PRC1: variants seen among roughly 807,000 people sequenced by gnomAD.
PRC1 encodes the protein protein regulator of cytokinesis 1.
In PRC1, 54 loss-of-function variants were observed where a neutral mutation model predicts 91.2. That is an observed-to-expected ratio of 0.59 (90% CI 0.48 to 0.74). The LOEUF (loss-of-function observed/expected upper bound fraction) is 0.74, where lower values mean the gene tolerates loss of function less well. PRC1 is among the 30% of genes least tolerant of loss of function. The pLI is 0.00. For synonymous variants in PRC1, 275 were observed against 263.6 expected (o/e 1.04, Z -0.42); for missense variants, 727 against 746.2 (o/e 0.97, Z 0.30).
chr15:90,990,035 TAAAC>T (rs1482978885), intron 1 of PRC1, among the ~76,000 whole-genome samples: 1 of 152,006 alleles, frequency 6.6e-6, no homozygotes, highest in Admixed American at 6.5e-5. Context: ...CCAGCTAACT[TAAAC>T]AATAAAATTT....
intron 8 of PRC1, 121 bp downstream of exon 8, chr15:90,979,037 C>G: frequency 7.9e-7 from 1 of 1,259,616 alleles, no homozygotes. Flanking sequence ...AGCAGAAATT[C>G]AGAGAGACTT....
chr15:90,981,232 G>T, intron 5 of PRC1, 199 bp from the exon 6 acceptor site: 1 of 761,304 alleles, frequency 1.3e-6, no homozygotes, highest in Non-Finnish European at 2.0e-6. Flanking sequence ...TTCAAATTTA[G>T]AACTGAAAAA....
At chr15:90,973,951 G>C (rs2038418411) in intron 11 of PRC1, 185 bp downstream of exon 11, 1 of 571,878 alleles carries the variant, frequency 1.7e-6, no homozygotes, top group Admixed American at 3.1e-5. Context: ...TGTATGCTGA[G>C]TGCTGGTCCC....
chr15:90,979,408 T>C (rs1026060285), intron 7 of PRC1, 114 bp from the exon 8 acceptor site: 1 of 1,233,308 alleles, frequency 8.1e-7, no homozygotes, highest in African/African-American at 1.5e-5. Context: ...AGTAAACTGA[T>C]ACAGGAAGAG....
At chr15:90,976,033 T>C (rs1476493650) in intron 9 of PRC1, among the ~76,000 whole-genome samples, 1 of 152,080 alleles carries the variant, frequency 6.6e-6, no homozygotes, top group Non-Finnish European at 1.5e-5. Context: ...CTTCTAGAGT[T>C]GTGAGAAAAT....
At chr15:90,967,956 C>T in intron 14 of PRC1, 4 of 985,230 alleles carry the variant, frequency 4.1e-6, no homozygotes, top group Non-Finnish European at 4.8e-6. Context: ...GGGCTGAGGC[C>T]TTGTAACCTG....
chr15:90,987,466 T>C (rs768791075), intron 1 of PRC1, among the ~76,000 whole-genome samples: 9 of 152,194 alleles, frequency 5.9e-5, no homozygotes, highest in Admixed American at 4.6e-4. Flanking sequence ...TATGTTATTC[T>C]TCAATTACCA....
intron 1 of PRC1, among the ~76,000 whole-genome samples, chr15:90,989,412 A>ATT (rs58512103): frequency 0.15 from 18,045 of 118,230 alleles, 1,735 homozygotes; most frequent in East Asian, 0.5. Context: ...TGCTTGGCTA[A>ATT]TTTTTTTTTT....
At chr15:90,973,686 A>T (rs1387644697) in intron 11 of PRC1, among the ~76,000 whole-genome samples, 1 of 152,134 alleles carries the variant, frequency 6.6e-6, no homozygotes, top group Non-Finnish European at 1.5e-5. Flanking sequence ...GCTGGCGGCA[A>T]TGCTGCTCTG....
rs750484139 is a variant in PRC1 at position 90,981,879 on chromosome 15, G to A, written c.370C>T (p.Leu124Phe). The A allele has an allele frequency of 1.5e-5, 24 of 1,614,230 alleles. No homozygotes were observed. Among genetic ancestry groups the A allele is most frequent in the Non-Finnish European group, 2.0e-5 (24 of 1,180,036 alleles). The change falls in exon 4 of 15, where the codon CTT becomes TTT. Residue 124 changes from leucine (L) to phenylalanine (F), a missense_variant. By Grantham distance (22) the Leu-to-Phe change is conservative. Transcript: ENST00000394249. Reference sequence around the variant, plus strand: ...CACAGTTCTTGATCTTGCTCTTGAAGTAGCTTCAGTTCCTGTTTTCTCTCC... The same window carrying A: ...CACAGTTCTTGATCTTGCTCTTGAAATAGCTTCAGTTCCTGTTTTCTCTCC... ...KKERKQELKL[L>F]QEQDQELCEI...
At chr15:90,981,714 T>C (rs1344490077) in intron 4 of PRC1, 34 bp downstream of exon 4, 4 of 1,608,800 alleles carry the variant, frequency 2.5e-6, no homozygotes, top group Non-Finnish European at 3.4e-6. Context: ...AAAACCAAAG[T>C]GACTTTTAGG....
chr15:90,969,309 T>C (rs773483649), intron 13 of PRC1, 138 bp downstream of exon 13: 9 of 1,275,980 alleles, frequency 7.1e-6, no homozygotes, highest in African/African-American at 1.5e-5. Context: ...CACCCTGCCA[T>C]GGTCAAAGCA....
At chr15:90,975,709 G>A (rs2038620105) in intron 9 of PRC1, among the ~76,000 whole-genome samples, 2 of 152,144 alleles carry the variant, frequency 1.3e-5, no homozygotes, top group Non-Finnish European at 2.9e-5. Context: ...TTAAGGCCAG[G>A]TATGGTGGCT....
intron 14 of PRC1, chr15:90,967,836 C>G (rs1177809374): frequency 1.0e-6 from 1 of 985,152 alleles, no homozygotes; most frequent in African/African-American, 1.7e-5. Flanking sequence ...CGAGGCATGA[C>G]TCTACTTCAC....
At chr15:90,968,945 C>T in intron 14 of PRC1, 134 bp downstream of exon 14, 1 of 1,499,454 alleles carries the variant, frequency 6.7e-7, no homozygotes, top group South Asian at 1.3e-5. Flanking sequence ...TTTTTTGAGT[C>T]CATGATAGGA....
At chr15:90,980,447 G>A in intron 6 of PRC1, 58 bp from the exon 7 acceptor site, 2 of 1,542,432 alleles carry the variant, frequency 1.3e-6, no homozygotes, top group South Asian at 1.2e-5. Context: ...ACTCAGGTTT[G>A]CAAAAGATCC....
chr15:90,985,984 G>C (rs2039548924), intron 1 of PRC1: 1 of 152,174 alleles, frequency 6.6e-6, no homozygotes, highest in Admixed American at 6.5e-5. Flanking sequence ...TACCATGCCT[G>C]GCCTATTCTT....
In PRC1 at chr15:90,981,736, T is replaced by C. The variant is rs1256017812; in HGVS notation, c.501+12A>G. The C allele has an allele frequency of 2.5e-6, 4 of 1,609,426 alleles. No individual in the cohort carries two copies. The highest frequency in any genetic ancestry group is 3.4e-6 in the Non-Finnish European group (4 of 1,176,576). On this transcript the variant is annotated intron_variant, in intron 4 of 14. Coordinates refer to ENST00000394249, the MANE Select transcript of PRC1 (RefSeq NM_003981.4). ...AAGTGACTTTTAGGAAGAACAAATG[T>C]AGGCAGTGTACCTTTGTTTCCCTCA...
chr15:90,993,070 C>CAAAA (rs67427806), intron 1 of PRC1, among the ~76,000 whole-genome samples: 762 of 30,950 alleles, frequency 0.025, 102 homozygotes, highest in Non-Finnish European at 0.041. Context: ...GACCCCGTCT[C>CAAAA]AAAAAAAAAA....
Sources: allele counts gnomAD v4.1 joint callset (sites outside exome capture counted in the v4.1 genomes callset), GRCh38; gene constraint gnomAD v4.1.1; transcripts MANE v1.5; gene names NCBI Gene and HGNC (gene_info 2026-07-23, HGNC 2026-07-21).